GALM: variants seen among roughly 807,000 people sequenced by gnomAD.
GALM encodes aldose 1-epimerase.
Under a neutral mutation model 37.4 loss-of-function variants are expected in GALM, and 43 were observed. The ratio of observed to expected loss-of-function variants is 1.15; its 90% CI spans 0.90 to 1.48. GALM has a LOEUF of 1.48. Ranked by LOEUF, GALM falls within the 40% of genes most tolerant of loss-of-function variation. The pLI is 0.00. For synonymous variants in GALM, 199 were observed against 170.6 expected, an observed-to-expected ratio of 1.17 and a Z score of -1.30; for missense variants, 456 against 419.1, an observed-to-expected ratio of 1.09 and a Z score of -0.77.
chr2:38,712,190 T>C (rs1054665082), intron 4 of GALM, among the ~76,000 whole-genome samples: 6 of 152,220 alleles, frequency 3.9e-5, no homozygotes, highest in African/African-American at 7.2e-5. Flanking sequence ...CCCAAGTGTA[T>C]CTGCCTCCTA....
chr2:38,699,990 G>C (rs1418279200), intron 4 of GALM, among the ~76,000 whole-genome samples: 1 of 152,088 alleles, frequency 6.6e-6, no homozygotes, highest in Non-Finnish European at 1.5e-5. Context: ...TCACTCTGTT[G>C]CCCAGGCTGG....
chr2:38,672,132 C>A (rs1665122465), intron 1 of GALM, among the ~76,000 whole-genome samples: 1 of 152,020 alleles, frequency 6.6e-6, no homozygotes, highest in Non-Finnish European at 1.5e-5. Flanking sequence ...GTAGTGGTCA[C>A]TTGTAAGGGA....
chr2:38,724,229 T>C (rs1000097824), intron 4 of GALM, among the ~76,000 whole-genome samples: 1 of 152,204 alleles, frequency 6.6e-6, no homozygotes, highest in Non-Finnish European at 1.5e-5. Context: ...AATTCTGTGA[T>C]TCTCAAATAA....
At chr2:38,711,474 T>C (rs970937460) in intron 4 of GALM, among the ~76,000 whole-genome samples, 3 of 152,052 alleles carry the variant, frequency 2.0e-5, no homozygotes, top group African/African-American at 7.2e-5. Context: ...CAGATAGCCT[T>C]TATGTGACTC....
At chr2:38,703,070 ATATATATATATATATATATATATTTT>A (rs1310446287) in intron 4 of GALM, among the ~76,000 whole-genome samples, 72 of 5,226 alleles carry the variant, frequency 0.014, no homozygotes, top group East Asian at 0.042. Context: ...ATATATATAT[ATATATATATATATATATATATATTTT>A]TTTTTTTTTT....
At chr2:38,686,583 G>C (rs1226559289) in intron 3 of GALM, among the ~76,000 whole-genome samples, 1 of 151,992 alleles carries the variant, frequency 6.6e-6, no homozygotes, top group Non-Finnish European at 1.5e-5. Flanking sequence ...AAATTTCTAA[G>C]CAGCTTTATT....
At chr2:38,725,602 C>G (rs1044977600) in intron 4 of GALM, among the ~76,000 whole-genome samples, 5 of 149,922 alleles carry the variant, frequency 3.3e-5, no homozygotes, top group Non-Finnish European at 5.9e-5. Context: ...GTAGTCCTAG[C>G]TACTCAGGAG....
chr2:38,699,065 C>A (rs1008918893), intron 4 of GALM, among the ~76,000 whole-genome samples: 4 of 152,070 alleles, frequency 2.6e-5, no homozygotes, highest in Admixed American at 1.3e-4. Flanking sequence ...AAACGCCCAC[C>A]ACCATGCCCA....
At chr2:38,715,472 G>C (rs374536495) in intron 4 of GALM, among the ~76,000 whole-genome samples, 1 of 152,128 alleles carries the variant, frequency 6.6e-6, no homozygotes, top group Admixed American at 6.5e-5. Flanking sequence ...GGGCCTTGCT[G>C]TGTTGCCCAG....
intron 3 of GALM, chr2:38,682,369 A>G (rs1480602591): frequency 6.0e-6 from 2 of 334,128 alleles, no homozygotes; most frequent in African/African-American, 2.1e-5. Context: ...TACTTGACTC[A>G]CTTTGGCCTG....
At chr2:38,684,535 G>A (rs578168478) in intron 3 of GALM, among the ~76,000 whole-genome samples, 41 of 152,200 alleles carry the variant, frequency 2.7e-4, no homozygotes, top group African/African-American at 8.4e-4. Flanking sequence ...GGCTGGGTGC[G>A]GCAGCTCACG....
intron 1 of GALM, among the ~76,000 whole-genome samples, 187 bp from the exon 2 acceptor site, chr2:38,675,725 C>G (rs373374172): frequency 6.6e-6 from 1 of 151,160 alleles, no homozygotes; most frequent in Non-Finnish European, 1.5e-5. Context: ...CCGGCCACCA[C>G]GCCCAGCTAA....
intron 4 of GALM, among the ~76,000 whole-genome samples, chr2:38,690,358 TA>T (rs780584720): frequency 2.6e-5 from 4 of 151,778 alleles, no homozygotes; most frequent in African/African-American, 4.8e-5. Context: ...AAACTAAAGT[TA>T]AAAAAAATTT....
At chr2:38,727,085 G>A (rs1157938347) in intron 4 of GALM, among the ~76,000 whole-genome samples, 1 of 151,444 alleles carries the variant, frequency 6.6e-6, no homozygotes, top group African/African-American at 2.4e-5. Context: ...GCATGGTGGT[G>A]TGCCCCTGTA....
At chr2:38,688,744 A>G (rs1263326528) in intron 3 of GALM, among the ~76,000 whole-genome samples, 1 of 152,252 alleles carries the variant, frequency 6.6e-6, no homozygotes, top group Non-Finnish European at 1.5e-5. Flanking sequence ...TGCAAACAAC[A>G]CAATGCACCT....
chr2:38,675,543 TTGTGTGTGTGTGTGTG>T (rs1160196072), intron 1 of GALM, among the ~76,000 whole-genome samples: 26 of 33,610 alleles, frequency 7.7e-4, no homozygotes, highest in East Asian at 7.6e-3. Flanking sequence ...TTTTTTTTTT[TTGTGTGTGTGTGTGTG>T]TGTGTGTGTG....
chr2:38,674,054 T>G (rs1665180449), intron 1 of GALM, among the ~76,000 whole-genome samples: 1 of 152,066 alleles, frequency 6.6e-6, no homozygotes, highest in South Asian at 2.1e-4. Context: ...CTGTTAATAG[T>G]GGTTACCATT....
At chr2:38,675,535 TTTTTTTTTTGTGTGTGTGTGTGTGTGTG>T (rs1558577605) in intron 1 of GALM, among the ~76,000 whole-genome samples, 7 of 95,470 alleles carry the variant, frequency 7.3e-5, no homozygotes, top group African/African-American at 2.6e-4. Flanking sequence ...TGTTTTTTTT[TTTTTTTTTTGTGTGTGTGTGTGTGTGTG>T]TGTGTGTGTG....
chr2:38,721,395 T>G (rs751964812), intron 4 of GALM, among the ~76,000 whole-genome samples: 4 of 152,216 alleles, frequency 2.6e-5, no homozygotes, highest in Non-Finnish European at 5.9e-5. Flanking sequence ...TCATGAACTC[T>G]CTTTGTTAAG....
Sources: gnomAD v4.1 joint callset for allele counts (sites outside exome capture counted in the v4.1 genomes callset) on GRCh38, gnomAD v4.1.1 for gene constraint, MANE v1.5 for transcripts, NCBI Gene and HGNC (gene_info 2026-07-23, HGNC 2026-07-21) for gene names.